Variants in EDNRB observed in about 807,000 individuals in gnomAD.
EDNRB encodes Hirschsprung disease 2.
Under a neutral mutation model 46.4 loss-of-function variants are expected in EDNRB, and 18 were observed. That is an observed-to-expected ratio of 0.39 (90% CI 0.27 to 0.57). EDNRB has a LOEUF of 0.57. Ranked by LOEUF, EDNRB falls within the 20% of genes least tolerant of loss-of-function variation. The pLI is 0.61. For synonymous variants in EDNRB, 213 were observed against 204.9 expected, an observed-to-expected ratio of 1.04 and a Z score of -0.34; for missense variants, 434 against 537.5, an observed-to-expected ratio of 0.81 and a Z score of 1.90.
At chr13:77,916,464 C>G (rs1323242325) in intron 1 of EDNRB, among the ~76,000 whole-genome samples, 1 of 152,170 alleles carries the variant, frequency 6.6e-6, no homozygotes, top group Non-Finnish European at 1.5e-5. Context: ...TCATCAGAAT[C>G]AATTGCCATA....
At position 77,902,194 on chromosome 13, in the gene EDNRB, G is replaced by A. The variant is rs12720192; in HGVS notation, c.801+962C>T. Among the ~76,000 whole-genome samples the A allele has an allele frequency of 5.9e-3, 894 of 152,040 alleles. 33 individuals carry two copies. In the East Asian group the frequency reaches 0.11, roughly 19 times the overall value. On this transcript the variant is annotated intron_variant, in intron 3 of 6. Coordinates refer to ENST00000646607, the MANE Select transcript of EDNRB (RefSeq NM_001122659.3). ...TGCCATTCAGACTCCATCCATATCA[G>A]GGTGACTTCTATCTGAATATTTGCT...
rs1881046889 is a variant in EDNRB, at chr13:77,950,087, T to C, written c.-52+25260A>G. ...CTGCCCCCAAAATGTGTTGTTTCTC[T>C]TCCACTGTACAACACAGAGACAATA... On this transcript the variant is annotated intron_variant, in intron 1 of 7. Coordinates refer to the EDNRB transcript ENST00000646948. Among the ~76,000 whole-genome samples the C allele has an allele frequency of 2.0e-5, 3 of 152,184 alleles. No homozygotes were observed. The South Asian group carries it at 6.2e-4, about 32-fold the overall frequency.
At chr13:77,902,401 C>G (rs896061909) in intron 3 of EDNRB, among the ~76,000 whole-genome samples, 2 of 151,918 alleles carry the variant, frequency 1.3e-5, no homozygotes, top group Non-Finnish European at 2.9e-5. Flanking sequence ...CTTTACATCT[C>G]CTTGCCCCTA....
chr13:77,898,730 A>G (rs915591597), intron 6 of EDNRB, among the ~76,000 whole-genome samples: 14 of 151,914 alleles, frequency 9.2e-5, no homozygotes, highest in African/African-American at 3.1e-4. Flanking sequence ...ATGTGAGTAT[A>G]ATTATTTTAC....
At chr13:77,912,699 T>C (rs1357743422) in intron 1 of EDNRB, among the ~76,000 whole-genome samples, 1 of 152,148 alleles carries the variant, frequency 6.6e-6, no homozygotes, top group African/African-American at 2.4e-5. Flanking sequence ...GCCTGGCTTT[T>C]AATTAACACG....
At chr13:77,922,459 T>C (rs956752319), upstream of EDNRB, among the ~76,000 whole-genome samples, 4 of 152,158 alleles carry the variant, frequency 2.6e-5, no homozygotes, top group African/African-American at 9.6e-5. Flanking sequence ...CCTCTTGAAA[T>C]GAATGTGCCC....
At chr13:77,929,868 A>G (rs1205867636) in intron 1 of EDNRB, among the ~76,000 whole-genome samples, 3 of 152,178 alleles carry the variant, frequency 2.0e-5, no homozygotes, top group African/African-American at 7.2e-5. Flanking sequence ...TTTAAATTCT[A>G]TTATGTTTGC....
chr13:77,966,347 T>C (rs1408639270), intron 1 of EDNRB, among the ~76,000 whole-genome samples: 1 of 152,184 alleles, frequency 6.6e-6, no homozygotes, highest in Admixed American at 6.6e-5. Flanking sequence ...TTTCTTCTTA[T>C]ATGTGGCACA....
intron 1 of EDNRB, among the ~76,000 whole-genome samples, chr13:77,950,110 A>G (rs1422710513): frequency 6.6e-6 from 1 of 152,184 alleles, no homozygotes; most frequent in Non-Finnish European, 1.5e-5. Context: ...CACAGAGACA[A>G]TAAAACATGC....
chr13:77,954,773 C>T (rs1195417233), intron 1 of EDNRB, among the ~76,000 whole-genome samples: 1 of 152,102 alleles, frequency 6.6e-6, no homozygotes, highest in Non-Finnish European at 1.5e-5. Context: ...TCCCAAAGTG[C>T]TGGGATTACA....
chr13:77,934,893 T>G (rs1199760522), intron 1 of EDNRB, among the ~76,000 whole-genome samples: 1 of 151,802 alleles, frequency 6.6e-6, no homozygotes, highest in East Asian at 1.9e-4. Flanking sequence ...CGTGATCAGG[T>G]TGAGGAACAG....
chr13:77,938,316 G>C (rs117151827), intron 1 of EDNRB, among the ~76,000 whole-genome samples: 2,197 of 151,946 alleles, frequency 0.014, 45 homozygotes, highest in East Asian at 0.024. Flanking sequence ...GGTCACAGCA[G>C]AGAAATAAGG....
At chr13:77,973,074 T>A (rs896915853) in intron 1 of EDNRB, among the ~76,000 whole-genome samples, 1 of 152,194 alleles carries the variant, frequency 6.6e-6, no homozygotes, top group African/African-American at 2.4e-5. Flanking sequence ...AAAAGACTTT[T>A]AAGTGGAAGA....
At chr13:77,904,891 A>G (rs575534089) in intron 1 of EDNRB, among the ~76,000 whole-genome samples, 1 of 152,090 alleles carries the variant, frequency 6.6e-6, no homozygotes, top group South Asian at 2.1e-4. Flanking sequence ...CCATCCTTTC[A>G]CTAGTAGTGA....
chr13:77,942,061 T>C (rs117061453), intron 1 of EDNRB, among the ~76,000 whole-genome samples: 2,209 of 152,306 alleles, frequency 0.015, 46 homozygotes, highest in East Asian at 0.024. Flanking sequence ...TTGTGCTTTG[T>C]CTAAACAAAA....
At chr13:77,947,784 T>TC (rs1293967455) in intron 1 of EDNRB, 3 of 151,374 alleles carry the variant, frequency 2.0e-5, no homozygotes, top group African/African-American at 7.3e-5. Flanking sequence ...AATTAATTTT[T>TC]TTTTTTTTTT....
At chr13:77,922,050 G>A (rs1005177839), upstream of EDNRB, among the ~76,000 whole-genome samples, 1 of 151,346 alleles carries the variant, frequency 6.6e-6, no homozygotes, top group Non-Finnish European at 1.5e-5. Flanking sequence ...TTCTATATAT[G>A]AGCAAAAAGT....
intron 1 of EDNRB, among the ~76,000 whole-genome samples, chr13:77,965,106 A>G (rs756308387): frequency 1.4e-4 from 21 of 152,202 alleles, no homozygotes; most frequent in Non-Finnish European, 2.8e-4. Flanking sequence ...AACCTGTCCT[A>G]GAAATGCACG....
chr13:77,957,440 G>A (rs1453487693), intron 1 of EDNRB, among the ~76,000 whole-genome samples: 4 of 152,140 alleles, frequency 2.6e-5, no homozygotes, highest in African/African-American at 9.7e-5. Context: ...ATGTTATTGT[G>A]AAAATCACTA....
Sources: allele counts gnomAD v4.1 joint callset (sites outside exome capture counted in the v4.1 genomes callset), GRCh38; gene constraint gnomAD v4.1.1; transcripts MANE v1.5; gene names NCBI Gene and HGNC (gene_info 2026-07-23, HGNC 2026-07-21).